METTL8: variants seen among roughly 807,000 people sequenced by gnomAD.
The protein encoded by METTL8 is methyltransferase 8, tRNA N3-cytidine, also known as tRNA N(3)-cytidine methyltransferase METTL8, mitochondrial.
In METTL8, 32 loss-of-function variants were observed where a neutral mutation model predicts 48.7. The observed-to-expected ratio is 0.66, with a 90% CI of 0.50 to 0.88. The LOEUF (loss-of-function observed/expected upper bound fraction) is 0.88, where lower values mean the gene tolerates loss of function less well. Among genes scored for constraint, METTL8 ranks in the 40% least tolerant of loss-of-function variants. METTL8 has a pLI of 0.00. For missense variants in METTL8, 464 were observed against 474.4 expected (o/e 0.98, Z 0.20); for synonymous variants, 136 against 157.1 (o/e 0.87, Z 1.01).
At chr2:171,421,317 T>C (rs1691849888) in intron 1 of METTL8, among the ~76,000 whole-genome samples, 1 of 152,212 alleles carries the variant, frequency 6.6e-6, no homozygotes, top group East Asian at 1.9e-4. Context: ...GCACCACTTG[T>C]ACTCCCAGCT....
At chr2:171,332,065 T>G (rs897836404) in intron 5 of METTL8, 198 bp from the exon 6 acceptor site, 1 of 473,254 alleles carries the variant, frequency 2.1e-6, no homozygotes, top group Admixed American at 3.3e-5. Flanking sequence ...TTAGATTTTT[T>G]TGTAGAGATG....
At chr2:171,339,688 T>G in intron 3 of METTL8, 134 bp from the exon 4 acceptor site, 1 of 441,784 alleles carries the variant, frequency 2.3e-6, no homozygotes, top group South Asian at 7.7e-5. Flanking sequence ...ACTTTAATAT[T>G]ATAATATTTT....
chr2:171,407,037 G>C (rs74728623), intron 1 of METTL8, among the ~76,000 whole-genome samples: 1 of 152,114 alleles, frequency 6.6e-6, no homozygotes, highest in Non-Finnish European at 1.5e-5. Flanking sequence ...GACTATTTAG[G>C]CTTGTAGTAT....
intron 2 of METTL8, among the ~76,000 whole-genome samples, chr2:171,371,753 T>C (rs551276638): frequency 6.6e-6 from 1 of 152,074 alleles, no homozygotes; most frequent in African/African-American, 2.4e-5. Context: ...GGCCTCAGCC[T>C]CCTGAGTAGC....
chr2:171,433,654 A>T (rs1693419616), intron 1 of METTL8, among the ~76,000 whole-genome samples: 1 of 152,268 alleles, frequency 6.6e-6, no homozygotes. Flanking sequence ...TATTCCCTAT[A>T]AAGAAAAAAG....
intron 1 of METTL8, among the ~76,000 whole-genome samples, chr2:171,413,577 G>T (rs1464168623): frequency 6.6e-6 from 1 of 151,986 alleles, no homozygotes; most frequent in East Asian, 1.9e-4. Context: ...TGATAAAAAA[G>T]ATTTAATAAA....
intron 1 of METTL8, among the ~76,000 whole-genome samples, chr2:171,426,340 A>T (rs968580330): frequency 5.9e-5 from 9 of 152,210 alleles, no homozygotes; most frequent in Non-Finnish European, 1.2e-4. Context: ...AGAAGAGTAC[A>T]CATATATAAT....
At chr2:171,368,532 T>C (rs192122348) in intron 2 of METTL8, among the ~76,000 whole-genome samples, 3 of 152,332 alleles carry the variant, frequency 2.0e-5, no homozygotes, top group Admixed American at 1.3e-4. Flanking sequence ...ATGAGTTTGA[T>C]AGGTTCCCAA....
Position 171,319,632 on chromosome 2 carries a change from G to A in METTL8, c.*4540C>T, listed in dbSNP as rs1234931932. The A allele has an allele frequency of 6.6e-6, 1 of 152,220 alleles. No homozygotes were observed. The highest frequency in any genetic ancestry group is 2.4e-5 in the African/African-American group (1 of 41,450). The allele number at this position is 152,220 out of a possible 1,614,324, so 9.4% of individuals were successfully genotyped here. ...ATTTGTAGACAAAGCATATGGAATC[G>A]AGAGAGGCAAAGCAAATAAGTTCTC... On this transcript the variant is annotated 3_prime_UTR_variant, in exon 10 of 10. Coordinates refer to ENST00000375258, the MANE Select transcript of METTL8 (RefSeq NM_001321154.2).
intron 1 of METTL8, among the ~76,000 whole-genome samples, chr2:171,397,543 A>T (rs76183139): frequency 0.12 from 17,179 of 139,452 alleles, 1,476 homozygotes; most frequent in African/African-American, 0.25. Context: ...GACAGAGCAA[A>T]ACCCTGCCTC....
intron 2 of METTL8, among the ~76,000 whole-genome samples, chr2:171,389,041 C>T (rs1353765386): frequency 6.6e-6 from 1 of 152,072 alleles, no homozygotes; most frequent in African/African-American, 2.4e-5. Flanking sequence ...AGTTGATTAC[C>T]CTACAATGGC....
At chr2:171,387,788 T>C (rs1387080507) in intron 2 of METTL8, among the ~76,000 whole-genome samples, 1 of 152,156 alleles carries the variant, frequency 6.6e-6, no homozygotes, top group East Asian at 1.9e-4. Context: ...TTGTATAGTG[T>C]AGAACTAATT....
intron 2 of METTL8, among the ~76,000 whole-genome samples, chr2:171,373,664 C>A (rs571950518): frequency 3.4e-4 from 51 of 152,224 alleles, no homozygotes; most frequent in Non-Finnish European, 7.1e-4. Context: ...TGTATAAGGT[C>A]TAAGGAAGGG....
chr2:171,384,436 G>A lies in METTL8; in HGVS notation c.143+7607C>T, dbSNP rs901983477. ...GAGGTGGGAGGATCACTTGAGCCCA[G>A]GTGGTCGAGGCTGCAGTGAGCTGTG... On this transcript the variant is annotated intron_variant, in intron 2 of 9. Transcript: ENST00000375258. Among the ~76,000 whole-genome samples, 6 of 152,336 alleles carry A rather than the reference G, an allele frequency of 3.9e-5. No individual in the cohort carries two copies. The South Asian group carries it at 8.3e-4, about 21-fold the overall frequency.
At chr2:171,390,028 T>TAAG (rs1688443479) in intron 2 of METTL8, among the ~76,000 whole-genome samples, 1 of 152,256 alleles carries the variant, frequency 6.6e-6, no homozygotes, top group Admixed American at 6.5e-5. Flanking sequence ...TGTTAAGGGC[T>TAAG]AAGGCAGTTG....
At chr2:171,353,519 T>C (rs1483224379) in intron 3 of METTL8, among the ~76,000 whole-genome samples, 1 of 152,226 alleles carries the variant, frequency 6.6e-6, no homozygotes, top group Non-Finnish European at 1.5e-5. Flanking sequence ...TTTCTGGATA[T>C]CGTTGTTAAC....
chr2:171,371,986 C>T (rs954130409), intron 2 of METTL8, among the ~76,000 whole-genome samples: 1 of 152,008 alleles, frequency 6.6e-6, no homozygotes, highest in African/African-American at 2.4e-5. Flanking sequence ...AGCCACAACA[C>T]CAGCCTGAGT....
chr2:171,417,470 G>GCA (rs143043774), intron 1 of METTL8, among the ~76,000 whole-genome samples: 78 of 152,224 alleles, frequency 5.1e-4, no homozygotes, highest in Middle Eastern at 3.4e-3. Flanking sequence ...TCATACACAT[G>GCA]CACACACACA....
chr2:171,409,674 A>C (rs778676533), intron 1 of METTL8, among the ~76,000 whole-genome samples: 4 of 152,154 alleles, frequency 2.6e-5, no homozygotes, highest in African/African-American at 4.8e-5. Context: ...TCGCTTTTCT[A>C]AATGGACCCC....
Sources: gnomAD v4.1 joint callset for allele counts (sites outside exome capture counted in the v4.1 genomes callset) on GRCh38, gnomAD v4.1.1 for gene constraint, MANE v1.5 for transcripts, NCBI Gene and HGNC (gene_info 2026-07-23, HGNC 2026-07-21) for gene names.